Variants in RSRP1 observed in about 807,000 individuals in gnomAD.
RSRP1 encodes the protein arginine/serine-rich protein 1.
Under a neutral mutation model 33.0 loss-of-function variants are expected in RSRP1, and 37 were observed. The observed-to-expected ratio is 1.12, with a 90% CI of 0.86 to 1.48. RSRP1 has a LOEUF of 1.48. Ranked by LOEUF, RSRP1 falls within the 40% of genes most tolerant of loss-of-function variation. RSRP1 has a pLI of 0.00. For synonymous variants in RSRP1, 167 were observed against 158.7 expected, an observed-to-expected ratio of 1.05 and a Z score of -0.40; for missense variants, 402 against 385.3, an observed-to-expected ratio of 1.04 and a Z score of -0.36.
chr1:25,324,402 G>GT (rs1237635238), intron 1 of RSRP1, among the ~76,000 whole-genome samples: 1 of 142,834 alleles, frequency 7.0e-6, no homozygotes, highest in African/African-American at 2.6e-5. Flanking sequence ...GAAACCCGAT[G>GT]TTGGCCATCA....
chr1:25,302,199 G>A lies in RSRP1; in HGVS notation c.-67+35779C>T, dbSNP rs1329555847. Among the ~76,000 whole-genome samples the A allele has an allele frequency of 2.3e-5, 3 of 131,200 alleles. 1 individual carries two copies. The highest frequency in any genetic ancestry group is 5.4e-5 in the Non-Finnish European group (3 of 55,778). 86.1% of individuals were successfully genotyped at this position (131,200 alleles called of 152,430 possible). On this transcript the variant is annotated intron_variant, in intron 1 of 1. Coordinates refer to the RSRP1 transcript ENST00000561867. ...AGATGGTGCATGTAAAGTGCTTAACGGGGAGTAAATGGTAGGCAAACATTA... is the reference window on the plus strand; with the variant it reads ...AGATGGTGCATGTAAAGTGCTTAACAGGGAGTAAATGGTAGGCAAACATTA...
At chr1:25,293,217 C>T (rs2124649703) in intron 1 of RSRP1, among the ~76,000 whole-genome samples, 1 of 129,582 alleles carries the variant, frequency 7.7e-6, no homozygotes. Context: ...AGCAGGAGGG[C>T]AATAATCCGA....
intron 1 of RSRP1, chr1:25,300,888 G>A: frequency 2.9e-6 from 4 of 1,361,130 alleles, no homozygotes; most frequent in Non-Finnish European, 4.1e-6. Flanking sequence ...AGGACTATCA[G>A]GGCTTGCCCC....
rs75466943 is a variant in RSRP1 at position 25,255,018 on chromosome 1, G to A, written c.-66-7989C>T. ...TTCCACGCACACTTTTGCTCACTAC[G>A]GTGTTGCTACTCAGTCAGAAGAGCC... On this transcript the variant is annotated intron_variant, in intron 1 of 1. Transcript: ENST00000561867. Among the ~76,000 whole-genome samples the A allele has an allele frequency of 2.9e-3, 448 of 152,166 alleles. 2 individuals carry two copies. Among genetic ancestry groups the A allele is most frequent in the African/African-American group, 0.011 (437 of 41,524 alleles).
At chr1:25,274,529 C>T (rs1197541758) in intron 1 of RSRP1, among the ~76,000 whole-genome samples, 1 of 132,726 alleles carries the variant, frequency 7.5e-6, no homozygotes, top group Non-Finnish European at 1.8e-5. Context: ...ACAACCCAGG[C>T]AGGGGAGACG....
At position 25,246,520 on chromosome 1, in the gene RSRP1, C is replaced by T. The variant is rs1557486664; in HGVS notation, c.444G>A (p.Pro148=). The change falls in exon 2 of 5, where the codon CCG becomes CCA. Residue 148 remains proline, a synonymous_variant. Transcript: ENST00000243189. ...TGTCCCTCCATCTGCTGTGCTCCTC[C>T]GGGTACACTGTGCGACCAAAGCCGT... ...RYYGFGRTVY[P]EEHSRWRDRS... 1.2e-6 allele frequency: 2 copies of T among 1,614,260 alleles called. No homozygotes were observed. The highest frequency in any genetic ancestry group is 4.5e-5 in the East Asian group (2 of 44,894).
rs1276603380 is a variant in RSRP1, at chr1:25,334,589, CTG to C, written c.-67+3387_-67+3388del. Among the ~76,000 whole-genome samples the C allele has an allele frequency of 1.5e-5, 2 of 133,510 alleles. 1 individual carries two copies. The highest frequency in any genetic ancestry group is 3.6e-5 in the Non-Finnish European group (2 of 56,164). The allele number at this position is 133,510 out of a possible 152,430, so 87.6% of individuals were successfully genotyped here. ...TCTGACCCCACATTTCCCTTCTGCACTGCCCTGGCAGAGGATCTCCATGAGGG... is the reference window on the plus strand; with the variant it reads ...TCTGACCCCACATTTCCCTTCTGCACCCCTGGCAGAGGATCTCCATGAGGG... On this transcript the variant is annotated intron_variant, in intron 1 of 1. Coordinates refer to the RSRP1 transcript ENST00000561867.
At position 25,290,593 on chromosome 1, in the gene RSRP1, G is replaced by A. The variant is rs778208299; in HGVS notation, c.-66-43564C>T. 38 of 1,264,840 alleles carry A rather than the reference G, an allele frequency of 3.0e-5. 6 individuals carry two copies. The South Asian group carries it at 4.3e-4, about 14-fold the overall frequency. The allele number at this position is 1,264,840 out of a possible 1,614,324, so 78.4% of individuals were successfully genotyped here. Reference sequence around the variant, plus strand: ...AATGAATGAATGAATGAATGAGTGAGAGGCATCCTTCCTTCTCAGTCGTCC... The same window carrying A: ...AATGAATGAATGAATGAATGAGTGAAAGGCATCCTTCCTTCTCAGTCGTCC... On this transcript the variant is annotated intron_variant, in intron 1 of 1. Coordinates refer to the RSRP1 transcript ENST00000561867.
chr1:25,313,241 A>T (rs111844516), intron 1 of RSRP1, among the ~76,000 whole-genome samples: 5,088 of 131,108 alleles, frequency 0.039, 902 homozygotes, highest in African/African-American at 0.12. Context: ...TCTGCCATGT[A>T]ATGGCAGGCA....
intron 1 of RSRP1, among the ~76,000 whole-genome samples, chr1:25,312,979 TTGCA>T (rs1254480936): frequency 5.5e-5 from 6 of 108,246 alleles, no homozygotes; most frequent in Non-Finnish European, 1.1e-4. Context: ...GGAATGAATT[TTGCA>T]TGTAAGAAGG....
rs1019603327 is a variant in RSRP1 at position 25,315,285 on chromosome 1, G to T, written c.-67+22693C>A. On this transcript the variant is annotated intron_variant, in intron 1 of 1. Transcript: ENST00000561867. ...GTCATTCAACAAATATTTCCCTGAG[G>T]TTTTGATAACCTGAACTGTGTTTGG... is the stretch of plus-strand genomic sequence containing the variant. Among the ~76,000 whole-genome samples the T allele has an allele frequency of 2.6e-4, 33 of 129,162 alleles. 12 individuals carry two copies. The highest frequency in any genetic ancestry group is 4.7e-4 in the Non-Finnish European group (26 of 55,066). The allele number at this position is 129,162 out of a possible 152,430, so 84.7% of individuals were successfully genotyped here. A position where few individuals can be genotyped will look rare whatever the true frequency, so the allele number is the denominator to read the frequency against.
intron 1 of RSRP1, among the ~76,000 whole-genome samples, chr1:25,333,501 G>A (rs1645042538): frequency 7.7e-6 from 1 of 129,410 alleles, no homozygotes; most frequent in Non-Finnish European, 1.8e-5. Flanking sequence ...TGTGTATCAC[G>A]GTCAGCAAAG....
At chr1:25,247,950 G>C (rs1042526096), upstream of RSRP1, 1 of 152,424 alleles carries the variant, frequency 6.6e-6, no homozygotes, top group Non-Finnish European at 1.5e-5. Flanking sequence ...CCCGGCCTGA[G>C]CCTCCCTGGA....
intron 1 of RSRP1, among the ~76,000 whole-genome samples, chr1:25,264,325 C>T (rs1472529110): frequency 6.6e-6 from 1 of 151,998 alleles, no homozygotes; most frequent in East Asian, 1.9e-4. Flanking sequence ...ACTGGGCATC[C>T]AGGCATTTCC....
In RSRP1 at chr1:25,244,348, A is replaced by G. The variant is rs1001598398; in HGVS notation, c.673-715T>C. ...ACTTTATGCAAATAGTGCCTGTCCCAAATTCTAGCATGCACATGGATCTAC... is the reference window on the plus strand; with the variant it reads ...ACTTTATGCAAATAGTGCCTGTCCCGAATTCTAGCATGCACATGGATCTAC... On this transcript the variant is annotated intron_variant, in intron 3 of 4. Coordinates refer to ENST00000243189, the MANE Select transcript of RSRP1 (RefSeq NM_020317.5). 3.9e-6 allele frequency: 5 copies of G among 1,288,390 alleles called. No homozygotes were observed. In the African/African-American group the frequency reaches 6.1e-5, roughly 16 times the overall value. The allele number at this position is 1,288,390 out of a possible 1,614,324, so 79.8% of individuals were successfully genotyped here.
chr1:25,312,946 A>AAAAAAAAAAAAAAAAAAAAAAAT, intron 1 of RSRP1, among the ~76,000 whole-genome samples: 1 of 109,426 alleles, frequency 9.1e-6, no homozygotes, highest in Non-Finnish European at 2.2e-5. Context: ...AAAAAAAAAA[A>AAAAAAAAAAAAAAAAAAAAAAAT]AAAAAAAAAC....
intron 1 of RSRP1, among the ~76,000 whole-genome samples, chr1:25,268,887 G>T (rs1257043145): frequency 7.9e-6 from 1 of 127,268 alleles, no homozygotes; most frequent in Non-Finnish European, 1.9e-5. Context: ...GGTGGAGGTT[G>T]CAGTGAGCCG....
At chr1:25,263,251 G>A (rs897548323) in intron 1 of RSRP1, among the ~76,000 whole-genome samples, 3 of 152,024 alleles carry the variant, frequency 2.0e-5, no homozygotes, top group African/African-American at 7.3e-5. Context: ...CTGAGGAGGT[G>A]GCCTGGCCAG....
chr1:25,266,073 G>C (rs1275809731), intron 1 of RSRP1: 1 of 125,682 alleles, frequency 8.0e-6, no homozygotes, highest in African/African-American at 2.6e-5. Context: ...ATTAATTATA[G>C]GGAAAATGGA....
Sources: gnomAD v4.1 joint callset for allele counts (sites outside exome capture counted in the v4.1 genomes callset) on GRCh38, gnomAD v4.1.1 for gene constraint, MANE v1.5 for transcripts, NCBI Gene and HGNC (gene_info 2026-07-23, HGNC 2026-07-21) for gene names.